The following DLG2 variants were observed in gnomAD, a reference collection of about 807,000 sequenced individuals.
DLG2 encodes discs large MAGUK scaffold protein 2, also known as disks large homolog 2.
In DLG2, 45 loss-of-function variants were observed where a neutral mutation model predicts 132.5. The ratio of observed to expected loss-of-function variants is 0.34; its 90% CI spans 0.27 to 0.44. The LOEUF is 0.44. Among genes scored for constraint, DLG2 ranks in the 20% least tolerant of loss-of-function variants. DLG2 has a pLI of 1.00. For missense variants in DLG2, 1,045 were observed against 1,196.9 expected, an observed-to-expected ratio of 0.87 and a Z score of 1.87; for synonymous variants, 424 against 419.6, an observed-to-expected ratio of 1.01 and a Z score of -0.13.
At chr11:85,558,147 A>G (rs1422430798) in intron 3 of DLG2, among the ~76,000 whole-genome samples, 1 of 151,994 alleles carries the variant, frequency 6.6e-6, no homozygotes, top group Non-Finnish European at 1.5e-5. Context: ...GGCAAAAGAC[A>G]TGAACAGGCA....
chr11:85,254,075 C>T (rs1256041011), intron 4 of DLG2, among the ~76,000 whole-genome samples: 1 of 152,196 alleles, frequency 6.6e-6, no homozygotes, highest in East Asian at 1.9e-4. Flanking sequence ...GATGTAAATT[C>T]TCACTTTGGG....
intron 3 of DLG2, among the ~76,000 whole-genome samples, chr11:85,458,017 C>T (rs1396178877): frequency 6.6e-6 from 1 of 152,150 alleles, no homozygotes; most frequent in Non-Finnish European, 1.5e-5. Flanking sequence ...AGGTGATATT[C>T]TAAAATATGT....
At chr11:84,127,824 G>A (rs113779255) in intron 9 of DLG2, among the ~76,000 whole-genome samples, 2 of 151,934 alleles carry the variant, frequency 1.3e-5, no homozygotes, top group Non-Finnish European at 2.9e-5. Context: ...AGTCCTTATT[G>A]GATTAGGGCC....
intron 3 of DLG2, among the ~76,000 whole-genome samples, chr11:85,458,561 C>G (rs1016434881): frequency 6.6e-6 from 1 of 152,184 alleles, no homozygotes; most frequent in African/African-American, 2.4e-5. Flanking sequence ...GGCTTGTGTT[C>G]TGATAACTGA....
intron 7 of DLG2, among the ~76,000 whole-genome samples, chr11:84,291,124 T>C (rs1164395900): frequency 6.6e-6 from 1 of 152,172 alleles, no homozygotes; most frequent in African/African-American, 2.4e-5. Context: ...AGGAATCTCA[T>C]AACTTTTTAT....
chr11:85,024,291 G>T (rs1221785198), intron 6 of DLG2, among the ~76,000 whole-genome samples: 1 of 152,102 alleles, frequency 6.6e-6, no homozygotes, highest in Non-Finnish European at 1.5e-5. Context: ...TTACAGGATG[G>T]GAAATGTATC....
chr11:85,075,770 T>C (rs1207133598), intron 6 of DLG2, among the ~76,000 whole-genome samples: 1 of 151,896 alleles, frequency 6.6e-6, no homozygotes, highest in Admixed American at 6.6e-5. Flanking sequence ...TATAATATAA[T>C]TGTAATGTGC....
intron 6 of DLG2, among the ~76,000 whole-genome samples, chr11:84,690,916 G>A (rs1303875672): frequency 1.3e-5 from 2 of 151,790 alleles, no homozygotes; most frequent in African/African-American, 4.8e-5. Flanking sequence ...TGGCATATAT[G>A]ATATTTTGAT....
At chr11:83,499,894 T>A (rs1377533538) in intron 21 of DLG2, among the ~76,000 whole-genome samples, 2 of 111,674 alleles carry the variant, frequency 1.8e-5, no homozygotes, top group Non-Finnish European at 3.6e-5. Context: ...TATATATATA[T>A]ATATCAGTTC....
At chr11:83,498,052 A>G (rs1043339698) in intron 21 of DLG2, among the ~76,000 whole-genome samples, 2 of 152,052 alleles carry the variant, frequency 1.3e-5, no homozygotes, top group Admixed American at 6.5e-5. Flanking sequence ...TCTTCATTTT[A>G]AAAAAATGTA....
intron 3 of DLG2, among the ~76,000 whole-genome samples, chr11:85,481,682 G>A (rs1023455264): frequency 6.6e-6 from 1 of 152,108 alleles, no homozygotes; most frequent in African/African-American, 2.4e-5. Flanking sequence ...TGACCCCAGT[G>A]GCCCCAGTCT....
chr11:84,301,802 G>T (rs1295333035), intron 7 of DLG2, among the ~76,000 whole-genome samples: 1 of 151,994 alleles, frequency 6.6e-6, no homozygotes, highest in Admixed American at 6.6e-5. Flanking sequence ...ATTCCTCAAG[G>T]ATCTAGAACC....
At chr11:85,561,331 C>CAAAAAAAAAAAAAA (rs1162562595) in intron 3 of DLG2, among the ~76,000 whole-genome samples, 3 of 12,516 alleles carry the variant, frequency 2.4e-4, no homozygotes, top group African/African-American at 7.2e-4. Context: ...GACCCTATCT[C>CAAAAAAAAAAAAAA]AAAAAAAAAA....
chr11:84,455,812 A>G (rs931084512), intron 7 of DLG2, among the ~76,000 whole-genome samples: 1 of 151,334 alleles, frequency 6.6e-6, no homozygotes, highest in African/African-American at 2.4e-5. Context: ...ATTCAACTGT[A>G]TCATCTAAGA....
At chr11:83,465,963 T>G (rs1000642516) in intron 26 of DLG2, among the ~76,000 whole-genome samples, 10 of 152,212 alleles carry the variant, frequency 6.6e-5, no homozygotes, top group Non-Finnish European at 2.9e-5. Context: ...TTGCCTATAC[T>G]GACTTTACAG....
intron 3 of DLG2, among the ~76,000 whole-genome samples, chr11:85,462,801 T>C (rs1384440312): frequency 4.0e-5 from 6 of 151,152 alleles, no homozygotes; most frequent in African/African-American, 1.5e-4. Flanking sequence ...TAAAGTATAA[T>C]TTAAAAAAAA....
intron 14 of DLG2, among the ~76,000 whole-genome samples, chr11:83,946,775 G>C (rs954155866): frequency 2.6e-5 from 4 of 152,032 alleles, no homozygotes; most frequent in Non-Finnish European, 4.4e-5. Flanking sequence ...AAAAATTTTT[G>C]TTAGCAGAAT....
At chr11:84,327,013 T>G (rs2098435999) in intron 7 of DLG2, among the ~76,000 whole-genome samples, 1 of 152,096 alleles carries the variant, frequency 6.6e-6, no homozygotes, top group South Asian at 2.1e-4. Flanking sequence ...TTATTACCAT[T>G]TTCCTGGATT....
intron 19 of DLG2, among the ~76,000 whole-genome samples, chr11:83,543,400 C>T (rs1395583136): frequency 1.3e-5 from 2 of 152,168 alleles, no homozygotes; most frequent in Non-Finnish European, 2.9e-5. Context: ...CCTAGATTTA[C>T]TGTGATCCTT....
Sources: gnomAD v4.1 joint callset for allele counts (sites outside exome capture counted in the v4.1 genomes callset) on GRCh38, gnomAD v4.1.1 for gene constraint, MANE v1.5 for transcripts, NCBI Gene and HGNC (gene_info 2026-07-23, HGNC 2026-07-21) for gene names.